IGSF11: variants seen among roughly 807,000 people sequenced by gnomAD.
The protein encoded by IGSF11 is CXADR like 1.
A neutral mutation model predicts 41.0 loss-of-function variants in IGSF11; 22 were observed. The observed-to-expected ratio is 0.54, with a 90% confidence interval of 0.38 to 0.77. The LOEUF is 0.77. Among genes scored for constraint, IGSF11 ranks in the 30% least tolerant of loss-of-function variants. The probability of loss-of-function intolerance (pLI) is 0.00; values close to 1 mark genes in which losing one functional copy is unlikely to be tolerated. For missense variants in IGSF11, 444 were observed against 530.8 expected, an observed-to-expected ratio of 0.84 and a Z score of 1.61; for synonymous variants, 219 against 201.3, an observed-to-expected ratio of 1.09 and a Z score of -0.74.
At chr3:118,940,904 A>C (rs1943636800) in intron 1 of IGSF11, among the ~76,000 whole-genome samples, 1 of 126,294 alleles carries the variant, frequency 7.9e-6, no homozygotes, top group African/African-American at 3.6e-5. Flanking sequence ...TAATCTCCAT[A>C]TGCCAAAAAA....
chr3:119,049,784 C>CT (rs1395332543), intron 1 of IGSF11, among the ~76,000 whole-genome samples: 1 of 150,796 alleles, frequency 6.6e-6, no homozygotes, highest in Non-Finnish European at 1.5e-5. Flanking sequence ...CAGCATGTTA[C>CT]TGGTACCAAA....
intron 1 of IGSF11, among the ~76,000 whole-genome samples, chr3:118,979,150 C>A (rs1474080937): frequency 3.3e-5 from 5 of 151,944 alleles, no homozygotes; most frequent in Non-Finnish European, 7.4e-5. Flanking sequence ...AAAATACATT[C>A]AAAGTTTTAA....
intron 1 of IGSF11, among the ~76,000 whole-genome samples, chr3:119,009,690 A>C (rs571150390): frequency 6.6e-6 from 1 of 152,356 alleles, no homozygotes; most frequent in South Asian, 2.1e-4. Context: ...AATGATCAAC[A>C]GGAATTAACA....
rs549873444 is a variant in IGSF11 at position 119,016,379 on chromosome 3, T to C, written c.52+18152A>G. 2.6e-5 allele frequency among the ~76,000 whole-genome samples: 4 copies of C among 152,292 alleles called. No homozygotes were observed. In the South Asian group the frequency reaches 8.3e-4, roughly 32 times the overall value. ...CATGAATGACAAAGATGATGGTCAT[T>C]TATGGTAATTTATTATTCATGCTGT... On this transcript the variant is annotated intron_variant, in intron 1 of 6. Coordinates refer to ENST00000393775, the MANE Select transcript of IGSF11 (RefSeq NM_001015887.3).
chr3:118,927,575 G>A (rs980754399), intron 3 of IGSF11, among the ~76,000 whole-genome samples: 4 of 152,102 alleles, frequency 2.6e-5, no homozygotes, highest in African/African-American at 9.7e-5. Context: ...GAGGGAAAAT[G>A]ACAAGAATTC....
At chr3:118,965,795 T>C (rs747308298) in intron 1 of IGSF11, among the ~76,000 whole-genome samples, 12 of 152,188 alleles carry the variant, frequency 7.9e-5, no homozygotes, top group Non-Finnish European at 1.5e-4. Context: ...GCAAAATGTA[T>C]GTTATGTTTG....
chr3:119,077,145 A>T (rs2076513599), intron 1 of IGSF11, among the ~76,000 whole-genome samples: 1 of 152,174 alleles, frequency 6.6e-6, no homozygotes, highest in African/African-American at 2.4e-5. Flanking sequence ...GGAAATCATC[A>T]TTCTCAGCAA....
intron 4 of IGSF11, among the ~76,000 whole-genome samples, chr3:118,906,086 A>G (rs1404714490): frequency 1.3e-5 from 2 of 152,268 alleles, no homozygotes; most frequent in Non-Finnish European, 2.9e-5. Flanking sequence ...CATAAAGATC[A>G]TGTTAAACTT....
upstream of IGSF11, chr3:119,034,914 T>A: frequency 1.0e-6 from 1 of 961,596 alleles, no homozygotes. Flanking sequence ...CAGCCGCAGC[T>A]CGGCTCCTCG....
At chr3:119,097,010 C>T (rs2076863585) in intron 1 of IGSF11, among the ~76,000 whole-genome samples, 1 of 152,060 alleles carries the variant, frequency 6.6e-6, no homozygotes, top group Non-Finnish European at 1.5e-5. Context: ...ATTATTCTTC[C>T]ACATCTCTCT....
At chr3:119,110,256 T>G (rs1250580447) in intron 1 of IGSF11, among the ~76,000 whole-genome samples, 21 of 152,010 alleles carry the variant, frequency 1.4e-4, no homozygotes, top group Admixed American at 1.4e-3. Flanking sequence ...AGGACTTGCT[T>G]TATGAATCTG....
Position 119,113,552 on chromosome 3 carries a change from C to T in IGSF11, c.-13-8347G>A, listed in dbSNP as rs148796764. Among the ~76,000 whole-genome samples the T allele has an allele frequency of 3.8e-3, 579 of 152,320 alleles. 10 individuals are homozygous for T. Among genetic ancestry groups the T allele is most frequent in the African/African-American group, 0.013 (552 of 41,578 alleles). ...AGGCCATGTTGATGCAACAGGTGGG[C>T]TCCCAAGGCCTCGGGCAGCTCCACC... On this transcript the variant is annotated intron_variant, in intron 1 of 7. Transcript: ENST00000425327.
At position 119,060,319 on chromosome 3, in the gene IGSF11, G is replaced by A. The variant is rs1942012949; in HGVS notation, c.49+44825C>T. The stretch of plus-strand genomic sequence containing the variant: ...GTCCTACCTAATGAGAGCCATCAGA[G>A]ATCTTTTTAAACCAGCAACATCCAA... On this transcript the variant is annotated intron_variant, in intron 1 of 6. Transcript: ENST00000354673. Among the ~76,000 whole-genome samples, 3 of 152,160 alleles carry A rather than the reference G, an allele frequency of 2.0e-5. No individual in the cohort carries two copies. In the South Asian group the frequency reaches 6.2e-4, roughly 32 times the overall value.
chr3:119,012,564 C>T (rs966706188), intron 1 of IGSF11, among the ~76,000 whole-genome samples: 23 of 152,144 alleles, frequency 1.5e-4, no homozygotes, highest in African/African-American at 5.3e-4. Flanking sequence ...GGCTATAATT[C>T]GGTCTCAATA....
intron 1 of IGSF11, chr3:118,981,813 G>A (rs938069966): frequency 1.3e-5 from 2 of 152,372 alleles, no homozygotes; most frequent in African/African-American, 4.8e-5. Flanking sequence ...ACGGACCCCA[G>A]TAAAGACTTC....
intron 1 of IGSF11, among the ~76,000 whole-genome samples, chr3:119,017,039 C>CAAA (rs60190891): frequency 0.036 from 3,167 of 88,228 alleles, 256 homozygotes; most frequent in African/African-American, 0.11. Context: ...GGACGCAGGA[C>CAAA]AAAAAAAAAA....
chr3:118,902,692 G>C lies in IGSF11; in HGVS notation c.1124C>G (p.Thr375Arg). 6.2e-7 allele frequency: 1 copy of C among 1,614,152 alleles called. No homozygotes were observed. Among genetic ancestry groups the C allele is most frequent in the Non-Finnish European group, 8.5e-7 (1 of 1,180,016 alleles). Reference sequence around the variant, plus strand: ...CTGTGGTGATGACCCTCTGTTGGCTGTCACTACCAGAGTCTTATGTTGACC... The same window carrying C: ...CTGTGGTGATGACCCTCTGTTGGCTCTCACTACCAGAGTCTTATGTTGACC... ...VPGQHKTLVVTANRGSSPQVM... is the reference protein window; with the variant it reads ...VPGQHKTLVVRANRGSSPQVM... The change falls in exon 7 of 7, where the codon ACA becomes AGA. Residue 375 changes from threonine (T) to arginine (R), a missense_variant. Coordinates refer to ENST00000393775, the MANE Select transcript of IGSF11 (RefSeq NM_001015887.3).
chr3:119,134,673 C>T (rs1373204794), intron 1 of IGSF11, among the ~76,000 whole-genome samples: 3 of 152,176 alleles, frequency 2.0e-5, no homozygotes, highest in Non-Finnish European at 4.4e-5. Context: ...CCATCCCCAT[C>T]AAGCAAAATG....
chr3:119,074,184 AAC>A (rs2076452696), intron 1 of IGSF11, among the ~76,000 whole-genome samples: 1 of 152,216 alleles, frequency 6.6e-6, no homozygotes. Context: ...ACATCTACAG[AAC>A]ACTCTACCCA....
Sources: allele counts gnomAD v4.1 joint callset (sites outside exome capture counted in the v4.1 genomes callset), GRCh38; gene constraint gnomAD v4.1.1; transcripts MANE v1.5; gene names NCBI Gene and HGNC (gene_info 2026-07-23, HGNC 2026-07-21).